The following CPA3 variants were observed in gnomAD, a reference collection of about 807,000 sequenced individuals.
CPA3 encodes the protein carboxypeptidase A3, also known as mast cell carboxypeptidase A.
Under a neutral mutation model 55.8 loss-of-function variants are expected in CPA3, and 52 were observed. That is an observed-to-expected ratio of 0.93 (90% CI 0.75 to 1.17). The LOEUF (loss-of-function observed/expected upper bound fraction) is 1.17. Among genes scored for constraint, CPA3 ranks in the 50% most tolerant of loss-of-function variants. CPA3 has a pLI of 0.00. For missense variants in CPA3, 547 were observed against 509.1 expected, an observed-to-expected ratio of 1.07 and a Z score of -0.72; for synonymous variants, 179 against 171.2, an observed-to-expected ratio of 1.05 and a Z score of -0.36.
At chr3:148,872,676 C>A (rs931572016) in intron 3 of CPA3, among the ~76,000 whole-genome samples, 2 of 152,014 alleles carry the variant, frequency 1.3e-5, no homozygotes, top group Non-Finnish European at 2.9e-5. Context: ...TGTGTCATTC[C>A]ATTCATTTTT....
rs779126871 is a variant in CPA3 at position 148,865,598 on chromosome 3, T to C, written c.144+50T>C. ...TCTTTTCTTACTGTTCTCTAAAAGATGCTTCTTCTTATTTTACTGTCAATG... is the reference window on the plus strand; with the variant it reads ...TCTTTTCTTACTGTTCTCTAAAAGACGCTTCTTCTTATTTTACTGTCAATG... On this transcript the variant is annotated intron_variant, in intron 2 of 10. Coordinates refer to ENST00000296046, the MANE Select transcript of CPA3 (RefSeq NM_001870.4). The C allele has an allele frequency of 7.3e-6, 11 of 1,501,434 alleles. 1 individual carries two copies. The South Asian group carries it at 1.3e-4, about 18-fold the overall frequency. The allele number at this position is 1,501,434 out of a possible 1,614,324, so 93.0% of individuals were successfully genotyped here.
At chr3:148,886,069 A>C in intron 9 of CPA3, 24 bp from the exon 10 acceptor site, 1 of 1,531,088 alleles carries the variant, frequency 6.5e-7, no homozygotes. Context: ...CTATTATTTC[A>C]CTCTAACTTT....
intron 3 of CPA3, chr3:148,870,133 A>G (rs961885817): frequency 6.6e-6 from 1 of 151,136 alleles, no homozygotes; most frequent in Non-Finnish European, 1.5e-5. Context: ...GTGTTTTTAT[A>G]CTTTCAAACA....
chr3:148,889,924 A>ATACC (rs1030554687), intron 10 of CPA3, among the ~76,000 whole-genome samples: 2 of 150,536 alleles, frequency 1.3e-5, no homozygotes, highest in Non-Finnish European at 3.0e-5. Context: ...ATGAATGATT[A>ATACC]TACCCCCAGC....
chr3:148,878,377 A>G, intron 3 of CPA3, 64 bp from the exon 4 acceptor site: 1 of 1,182,608 alleles, frequency 8.5e-7, no homozygotes, highest in Non-Finnish European at 1.3e-6. Context: ...TCTGCAAATG[A>G]AAGATAACTG....
intron 2 of CPA3, among the ~76,000 whole-genome samples, chr3:148,867,165 C>A (rs1370184305): frequency 1.3e-5 from 2 of 152,188 alleles, no homozygotes; most frequent in East Asian, 1.9e-4. Flanking sequence ...ACCCTTCAAG[C>A]CCCATAAACA....
In CPA3 at chr3:148,883,760, T is replaced by C; in HGVS notation, c.926T>C (p.Met309Thr). 6.2e-7 allele frequency: 1 copy of C among 1,614,122 alleles called. No homozygotes were observed. Among genetic ancestry groups the C allele is most frequent in the Non-Finnish European group, 8.5e-7 (1 of 1,179,982 alleles). ...ATCACCTTCCATTCCTACTCCCAGATGCTATTGTTTCCCTATGGATATACA... is the reference window on the plus strand; with the variant it reads ...ATCACCTTCCATTCCTACTCCCAGACGCTATTGTTTCCCTATGGATATACA... ...VYITFHSYSQMLLFPYGYTSK... is the reference protein window; with the variant it reads ...VYITFHSYSQTLLFPYGYTSK... The change falls in exon 9 of 11, where the codon ATG becomes ACG. Residue 309 changes from methionine to threonine, a missense_variant. By Grantham distance (81) the Met-to-Thr change is moderately conservative. Coordinates refer to ENST00000296046, the MANE Select transcript of CPA3 (RefSeq NM_001870.4).
intron 10 of CPA3, among the ~76,000 whole-genome samples, chr3:148,891,505 CACACACAT>C (rs1285724385): frequency 4.7e-5 from 7 of 147,788 alleles, no homozygotes; most frequent in African/African-American, 1.6e-4. Context: ...CACACACACA[CACACACAT>C]ACACACACAC....
At chr3:148,892,790 C>A (rs1400307182) in intron 10 of CPA3, among the ~76,000 whole-genome samples, 3 of 151,892 alleles carry the variant, frequency 2.0e-5, no homozygotes, top group Non-Finnish European at 4.4e-5. Context: ...CCAGCCTGAC[C>A]AATATGGTGA....
At position 148,883,827 on chromosome 3, in the gene CPA3, A is replaced by G. The variant is rs1296502174; in HGVS notation, c.981+12A>G. 2.5e-6 allele frequency: 4 copies of G among 1,602,816 alleles called. No individual in the cohort carries two copies. The highest frequency in any genetic ancestry group is 2.2e-5 in the East Asian group (1 of 44,802). On this transcript the variant is annotated intron_variant, in intron 9 of 10. Transcript: ENST00000296046. Reference sequence around the variant, plus strand: ...ACCATGAGGACTTGGTACGTAGACAAAAGTTTGCACTTCATGCATCGACAA... The same window carrying G: ...ACCATGAGGACTTGGTACGTAGACAGAAGTTTGCACTTCATGCATCGACAA...
intron 10 of CPA3, among the ~76,000 whole-genome samples, chr3:148,890,321 T>A (rs960595668): frequency 1.5e-4 from 23 of 152,308 alleles, no homozygotes; most frequent in Middle Eastern, 3.4e-3. Context: ...TTTGAGTTGA[T>A]AAGAACCAAG....
rs775966504 is a variant in CPA3 at position 148,868,877 on chromosome 3, C to T, written c.145-38C>T. 14 of 1,601,444 alleles carry T rather than the reference C, an allele frequency of 8.7e-6. No individual in the cohort carries two copies. In the Admixed American group the frequency reaches 2.2e-4, roughly 25 times the overall value. ...TCTTAATCAATAAGTGTTGGGTAAG[C>T]AAATAAACTCTGACTAACATTGAGC... On this transcript the variant is annotated intron_variant, in intron 2 of 10. Coordinates refer to ENST00000296046, the MANE Select transcript of CPA3 (RefSeq NM_001870.4).
chr3:148,878,285 A>T (rs546255311), intron 3 of CPA3, among the ~76,000 whole-genome samples, 156 bp from the exon 4 acceptor site: 1 of 152,214 alleles, frequency 6.6e-6, no homozygotes, highest in Non-Finnish European at 1.5e-5. Flanking sequence ...GACACATGAT[A>T]TGTCTAAAGG....
intron 2 of CPA3, among the ~76,000 whole-genome samples, chr3:148,865,969 T>G (rs1362861814): frequency 1.3e-5 from 2 of 152,166 alleles, no homozygotes; most frequent in African/African-American, 4.8e-5. Context: ...ATGTGACCCT[T>G]TCCAAGAGCA....
intron 3 of CPA3, among the ~76,000 whole-genome samples, chr3:148,876,858 TATG>T (rs1321528389): frequency 6.6e-6 from 1 of 152,184 alleles, no homozygotes; most frequent in Admixed American, 6.5e-5. Flanking sequence ...TACTTGCATA[TATG>T]ATGATGACAT....
Position 148,896,833 on chromosome 3 carries a change from T to A in CPA3, c.*126T>A. On this transcript the variant is annotated 3_prime_UTR_variant, in exon 11 of 11. Transcript: ENST00000296046. ...TGAATCCTTCTCTTGCTCATTTAAG[T>A]CCCATGTTACTGCTGTTTGCTTTTA... is the stretch of plus-strand genomic sequence containing the variant. 1.3e-6 allele frequency: 1 copy of A among 797,508 alleles called. No individual in the cohort carries two copies. Among genetic ancestry groups the A allele is most frequent in the Non-Finnish European group, 1.9e-6 (1 of 537,568 alleles). The allele number at this position is 797,508 out of a possible 1,614,324, so 49.4% of individuals were successfully genotyped here. A position where few individuals can be genotyped will look rare whatever the true frequency, so the allele number is the denominator to read the frequency against.
intron 8 of CPA3, 33 bp from the exon 9 acceptor site, chr3:148,883,580 G>T: frequency 6.4e-7 from 1 of 1,561,976 alleles, no homozygotes; most frequent in South Asian, 1.1e-5. Context: ...ATGGGGAGCA[G>T]ACTGTGGTCT....
In CPA3 at chr3:148,881,646, C is replaced by T; in HGVS notation, c.687+14C>T. 6.6e-7 allele frequency: 1 copy of T among 1,526,192 alleles called. No homozygotes were observed. Among genetic ancestry groups the T allele is most frequent in the Non-Finnish European group, 9.0e-7 (1 of 1,106,760 alleles). 94.5% of individuals were successfully genotyped at this position (1,526,192 alleles called of 1,614,324 possible). Reference sequence around the variant, plus strand: ...TCATGGACAAAGGTACTGCTCTCTACTCTCTTGTTTGCATTTAGATATTAT... The same window carrying T: ...TCATGGACAAAGGTACTGCTCTCTATTCTCTTGTTTGCATTTAGATATTAT... On this transcript the variant is annotated intron_variant, in intron 7 of 10. Transcript: ENST00000296046.
At chr3:148,880,576 T>TC (rs1247996299) in intron 6 of CPA3, among the ~76,000 whole-genome samples, 1 of 152,018 alleles carries the variant, frequency 6.6e-6, no homozygotes, top group Non-Finnish European at 1.5e-5. Flanking sequence ...AAGTAATCTG[T>TC]CCCCCTCGGC....
Sources: gnomAD v4.1 joint callset for allele counts (sites outside exome capture counted in the v4.1 genomes callset) on GRCh38, gnomAD v4.1.1 for gene constraint, MANE v1.5 for transcripts, NCBI Gene and HGNC (gene_info 2026-07-23, HGNC 2026-07-21) for gene names.